The following CHST10 variants were observed in gnomAD, a reference collection of about 807,000 sequenced individuals.
The protein encoded by CHST10 is HNK-1 sulfotransferase.
CHST10 carries 24 observed loss-of-function variants against 34.7 expected under a neutral mutation model. That is an observed-to-expected ratio of 0.69 (90% confidence interval 0.50 to 0.97). CHST10 has a LOEUF of 0.97. Ranked by LOEUF, CHST10 falls within the 50% of genes least tolerant of loss-of-function variation. The pLI, the probability that CHST10 is intolerant of heterozygous loss-of-function variation, is 0.00. For synonymous variants in CHST10, 161 were observed against 169.3 expected, an observed-to-expected ratio of 0.95 and a Z score of 0.38; for missense variants, 402 against 452.1, an observed-to-expected ratio of 0.89 and a Z score of 1.00.
In CHST10 at chr2:100,401,459, C is replaced by G. The variant is rs916463228; in HGVS notation, c.192+1105G>C. 3.9e-5 allele frequency among the ~76,000 whole-genome samples: 6 copies of G among 152,272 alleles called. No homozygotes were observed. The East Asian group carries it at 7.7e-4, about 20-fold the overall frequency. ...CGGAGAGGGAGCACCAAGATGACCA[C>G]CCTCTTCCTCACAGGGTATGGCATC... On this transcript the variant is annotated intron_variant, in intron 4 of 6. Transcript: ENST00000264249.
intron 2 of CHST10, chr2:100,408,577 AATCC>A (rs1675684240): frequency 6.6e-6 from 1 of 152,130 alleles, no homozygotes; most frequent in Non-Finnish European, 1.5e-5. Flanking sequence ...AAAACTGACC[AATCC>A]CTTGGCACTC....
At chr2:100,396,698 C>T (rs961853459) in intron 5 of CHST10, among the ~76,000 whole-genome samples, 3 of 152,274 alleles carry the variant, frequency 2.0e-5, no homozygotes, top group African/African-American at 7.2e-5. Flanking sequence ...ATTCATGCAC[C>T]TGTCCCCATC....
intron 4 of CHST10, among the ~76,000 whole-genome samples, chr2:100,401,206 C>A (rs935220546): frequency 6.6e-6 from 1 of 152,168 alleles, no homozygotes; most frequent in African/African-American, 2.4e-5. Flanking sequence ...AAAGCCCAGG[C>A]CCACAACTTG....
At chr2:100,415,251 AC>A (rs1174108771) in intron 1 of CHST10, 140 bp from the exon 2 acceptor site, 2 of 345,010 alleles carry the variant, frequency 5.8e-6, no homozygotes, top group African/African-American at 4.3e-5. Flanking sequence ...TGGGTCTCTT[AC>A]AAAGGCAGGT....
At chr2:100,394,284 A>G (rs1489188554) in intron 6 of CHST10, among the ~76,000 whole-genome samples, 1 of 152,176 alleles carries the variant, frequency 6.6e-6, no homozygotes, top group African/African-American at 2.4e-5. Context: ...AGAGGGCAGG[A>G]GCAGGTCTGG....
chr2:100,394,726 C>CTTTT (rs11345127), intron 6 of CHST10, among the ~76,000 whole-genome samples: 28 of 140,548 alleles, frequency 2.0e-4, no homozygotes, highest in African/African-American at 6.9e-4. Flanking sequence ...ACTCCATCTT[C>CTTTT]TTTTTTTTTT....
intron 5 of CHST10, among the ~76,000 whole-genome samples, chr2:100,396,367 T>C (rs147204113): frequency 4.3e-4 from 65 of 152,276 alleles, no homozygotes; most frequent in African/African-American, 1.5e-3. Context: ...TGAGCAGGTT[T>C]TTCACTCTTT....
chr2:100,392,630 C>T lies in CHST10; in HGVS notation c.*615G>A, dbSNP rs1431740133. The stretch of plus-strand genomic sequence containing the variant: ...TTCTGGAAAGATGGACCCCTGGACA[C>T]CACACCACCCTCTGGCCATCGCTGA... On this transcript the variant is annotated 3_prime_UTR_variant, in exon 7 of 7. Transcript: ENST00000264249. The T allele has an allele frequency of 6.3e-6, 1 of 157,540 alleles. No individual in the cohort carries two copies. Among genetic ancestry groups the T allele is most frequent in the Non-Finnish European group, 1.4e-5 (1 of 71,002 alleles). 9.8% of individuals were successfully genotyped at this position (157,540 alleles called of 1,614,324 possible).
intron 5 of CHST10, among the ~76,000 whole-genome samples, chr2:100,395,977 A>G (rs999038073): frequency 4.6e-5 from 7 of 152,188 alleles, no homozygotes; most frequent in African/African-American, 1.4e-4. Flanking sequence ...AACACCAGCA[A>G]CACTTACTCT....
rs573740713 is a variant in CHST10, at chr2:100,393,172, A to G, written c.*73T>C. 2.1e-4 allele frequency: 321 copies of G among 1,523,444 alleles called. 1 individual carries two copies. The highest frequency in any genetic ancestry group is 4.1e-5 in the Non-Finnish European group (46 of 1,118,736). 94.4% of individuals were successfully genotyped at this position (1,523,444 alleles called of 1,614,324 possible). ...GGAGGGGTGTGGTGGAGGAAGGGTC[A>G]TTTCTGGGCTCAGATCTTCACCTGG... On this transcript the variant is annotated 3_prime_UTR_variant, in exon 7 of 7. Transcript: ENST00000264249.
chr2:100,399,262 C>T (rs1049833435), intron 4 of CHST10, among the ~76,000 whole-genome samples: 2 of 152,156 alleles, frequency 1.3e-5, no homozygotes, highest in Non-Finnish European at 2.9e-5. Context: ...CACCACCATG[C>T]CTGGCTAATT....
At chr2:100,408,871 A>T (rs1374435077) in intron 2 of CHST10, among the ~76,000 whole-genome samples, 1 of 149,402 alleles carries the variant, frequency 6.7e-6, no homozygotes, top group Admixed American at 6.6e-5. Flanking sequence ...TGCCAGCTGC[A>T]GGCCATTTCT....
Position 100,415,040 on chromosome 2 carries a change from C to T in CHST10, c.-33+1G>A. ...ATGAGCTCACATTCTCCTTCACGTA[C>T]CTTCTGCAGCCTGGGGCTCACATTT... is the stretch of plus-strand genomic sequence containing the variant. On this transcript the variant is annotated splice_donor_variant, in intron 2 of 6. Transcript: ENST00000264249. LOFTEE classifies it low-confidence loss of function (5UTR_SPLICE). 7.7e-7 allele frequency: 1 copy of T among 1,303,002 alleles called. No homozygotes were observed. The highest frequency in any genetic ancestry group is 1.0e-6 in the Non-Finnish European group (1 of 988,402). The allele number at this position is 1,303,002 out of a possible 1,614,324, so 80.7% of individuals were successfully genotyped here.
At chr2:100,402,851 AC>A (rs1411647803) in intron 3 of CHST10, among the ~76,000 whole-genome samples, 196 bp from the exon 4 acceptor site, 2 of 152,246 alleles carry the variant, frequency 1.3e-5, no homozygotes, top group Non-Finnish European at 2.9e-5. Context: ...CACACACGGA[AC>A]AAACCTTGAT....
chr2:100,397,992 CAA>C lies in CHST10; in HGVS notation c.341_342del (p.Phe114CysfsTer3), dbSNP rs1297024947. 6.2e-7 allele frequency: 1 copy of C among 1,614,194 alleles called. No individual in the cohort carries two copies. The highest frequency in any genetic ancestry group is 8.5e-7 in the Non-Finnish European group (1 of 1,180,040). On this transcript the variant is annotated frameshift_variant, in exon 5 of 7. Transcript: ENST00000264249. LOFTEE classifies it high-confidence loss of function. ...PVSKFVLDRI[F>X]VCDKHKILFC... The stretch of plus-strand genomic sequence containing the variant: ...AAAAGAATCTTGTGCTTGTCACAGA[CAA>C]ATATTCGGTCCAGGACAAACTTGGA...
chr2:100,395,366 C>T (rs142485881), intron 6 of CHST10, 143 bp downstream of exon 6: 1 of 616,822 alleles, frequency 1.6e-6, no homozygotes, highest in Non-Finnish European at 2.8e-6. Context: ...TGTAGCTTAG[C>T]TGCCTCTCAC....
At chr2:100,402,487 C>T (rs536486878) in intron 4 of CHST10, 77 bp downstream of exon 4, 7 of 1,162,836 alleles carry the variant, frequency 6.0e-6, no homozygotes, top group Non-Finnish European at 9.0e-6. Context: ...GCGGAACCAG[C>T]CACAGGGGAA....
Position 100,393,264 on chromosome 2 carries a change from G to C in CHST10, c.1052C>G (p.Pro351Arg), listed in dbSNP as rs1189522578. 1 of 1,614,048 alleles carries C rather than the reference G, an allele frequency of 6.2e-7. No individual in the cohort carries two copies. Among genetic ancestry groups the C allele is most frequent in the Admixed American group, 1.7e-5 (1 of 59,998 alleles). ...TATGCATTAGTTTAGCAAAAAGTCT[G>C]GTTTCTGGTACCCAAAGAGCTTAAA... ...GDFKLFGYQK[P>R]DFLLN Residue 351 changes from proline (P) to arginine (R), a missense_variant, in exon 7 of 7, where the codon CCA becomes CGA. Transcript: ENST00000264249.
At chr2:100,404,628 A>G (rs2099611) in intron 3 of CHST10, among the ~76,000 whole-genome samples, 89,812 of 152,022 alleles carry the variant, frequency 0.59, 27,488 homozygotes, top group East Asian at 0.78. Context: ...CATTCAGCAC[A>G]AAACTTGATA....
Sources: allele counts gnomAD v4.1 joint callset (sites outside exome capture counted in the v4.1 genomes callset), GRCh38; gene constraint gnomAD v4.1.1; transcripts MANE v1.5; gene names NCBI Gene and HGNC (gene_info 2026-07-23, HGNC 2026-07-21).